Variants in ASTN2 observed in about 807,000 individuals in gnomAD.
The protein encoded by ASTN2 is astrotactin-2.
A neutral mutation model predicts 139.8 loss-of-function variants in ASTN2; 54 were observed. The ratio of observed to expected loss-of-function variants is 0.39; its 90% CI spans 0.31 to 0.48. The LOEUF is 0.48. Ranked by LOEUF, ASTN2 falls within the 20% of genes least tolerant of loss-of-function variation. ASTN2 has a pLI of 0.95. For synonymous variants in ASTN2, 756 were observed against 719.5 expected (o/e 1.05, Z -0.81); for missense variants, 1,565 against 1,725.1 (o/e 0.91, Z 1.64).
At chr9:116,846,194 G>C (rs1490577018) in intron 11 of ASTN2, among the ~76,000 whole-genome samples, 1 of 152,150 alleles carries the variant, frequency 6.6e-6, no homozygotes, top group African/African-American at 2.4e-5. Context: ...GGTTGCCAGG[G>C]GCTGGGGGAA....
At chr9:116,520,194 C>G (rs946903977) in intron 19 of ASTN2, among the ~76,000 whole-genome samples, 14 of 151,816 alleles carry the variant, frequency 9.2e-5, no homozygotes, top group African/African-American at 2.9e-4. Flanking sequence ...AAGCACATAA[C>G]CAAAAAAGAA....
chr9:116,913,816 G>A (rs887365614), intron 10 of ASTN2, among the ~76,000 whole-genome samples: 7 of 151,840 alleles, frequency 4.6e-5, no homozygotes, highest in African/African-American at 1.7e-4. Flanking sequence ...TGTGTGAGAA[G>A]GTGAGTGGAG....
At chr9:116,971,263 T>A (rs1490730525) in intron 10 of ASTN2, among the ~76,000 whole-genome samples, 1 of 152,218 alleles carries the variant, frequency 6.6e-6, no homozygotes, top group African/African-American at 2.4e-5. Context: ...CCTGCTAGGA[T>A]AGGCTGGAGA....
chr9:117,055,544 T>C (rs1450269476), intron 5 of ASTN2, among the ~76,000 whole-genome samples: 1 of 152,158 alleles, frequency 6.6e-6, no homozygotes, highest in Admixed American at 6.5e-5. Context: ...AATATCTACC[T>C]CCAGAATGGA....
intron 19 of ASTN2, among the ~76,000 whole-genome samples, chr9:116,531,264 G>A (rs914304515): frequency 6.6e-6 from 1 of 152,148 alleles, no homozygotes; most frequent in Non-Finnish European, 1.5e-5. Flanking sequence ...TCGTATTTAT[G>A]TCTTAAATGT....
At chr9:116,789,253 A>T (rs1830464802) in intron 13 of ASTN2, among the ~76,000 whole-genome samples, 1 of 152,132 alleles carries the variant, frequency 6.6e-6, no homozygotes, top group Non-Finnish European at 1.5e-5. Flanking sequence ...GTCACTGGGA[A>T]CTCAGTAAAG....
At chr9:117,350,066 T>C (rs893088574) in intron 1 of ASTN2, among the ~76,000 whole-genome samples, 1 of 152,194 alleles carries the variant, frequency 6.6e-6, no homozygotes, top group African/African-American at 2.4e-5. Flanking sequence ...ACATGTACCA[T>C]GATAATGTAA....
chr9:117,277,637 G>A (rs1834226133), intron 2 of ASTN2, among the ~76,000 whole-genome samples: 1 of 152,136 alleles, frequency 6.6e-6, no homozygotes, highest in South Asian at 2.1e-4. Context: ...GTAAACAGGA[G>A]AAAATAATAT....
chr9:116,848,987 C>A (rs1832516939), intron 11 of ASTN2, among the ~76,000 whole-genome samples: 1 of 152,150 alleles, frequency 6.6e-6, no homozygotes, highest in Admixed American at 6.5e-5. Context: ...CAATCCCTTC[C>A]TTGGGTTTCA....
At chr9:117,316,498 G>T (rs1387013400) in intron 1 of ASTN2, among the ~76,000 whole-genome samples, 1 of 152,084 alleles carries the variant, frequency 6.6e-6, no homozygotes, top group African/African-American at 2.4e-5. Flanking sequence ...CGATGGAAGG[G>T]GTCATGTGAC....
chr9:116,974,790 T>C (rs1322654931), intron 10 of ASTN2, among the ~76,000 whole-genome samples: 1 of 152,120 alleles, frequency 6.6e-6, no homozygotes, highest in Admixed American at 6.6e-5. Flanking sequence ...ATTACAGGCG[T>C]GAGCCACCAC....
At chr9:116,614,925 A>G (rs1444123136) in intron 19 of ASTN2, among the ~76,000 whole-genome samples, 1 of 152,258 alleles carries the variant, frequency 6.6e-6, no homozygotes, top group Non-Finnish European at 1.5e-5. Context: ...CTACCAGCAG[A>G]GTGAACAGGC....
chr9:117,002,102 C>A (rs982429549), intron 7 of ASTN2, among the ~76,000 whole-genome samples: 1 of 152,130 alleles, frequency 6.6e-6, no homozygotes, highest in Non-Finnish European at 1.5e-5. Context: ...TCCATTTATG[C>A]CTTGAGTGAC....
At chr9:117,328,440 C>A (rs1286683650) in intron 1 of ASTN2, among the ~76,000 whole-genome samples, 1 of 152,122 alleles carries the variant, frequency 6.6e-6, no homozygotes, top group Non-Finnish European at 1.5e-5. Flanking sequence ...ATCTGTAAAC[C>A]TCTTGAATCA....
intron 16 of ASTN2, among the ~76,000 whole-genome samples, chr9:116,682,264 C>T (rs1222028216): frequency 6.6e-6 from 1 of 152,178 alleles, no homozygotes; most frequent in East Asian, 1.9e-4. Flanking sequence ...AGCCAAAAAA[C>T]ACATGAAAAA....
At chr9:117,247,320 GT>G (rs1418322409) in intron 2 of ASTN2, among the ~76,000 whole-genome samples, 1 of 152,174 alleles carries the variant, frequency 6.6e-6, no homozygotes, top group Admixed American at 6.5e-5. Flanking sequence ...AATACCATTT[GT>G]CACCCAGGCT....
intron 13 of ASTN2, among the ~76,000 whole-genome samples, chr9:116,759,759 T>C (rs1323258233): frequency 6.6e-6 from 1 of 152,182 alleles, no homozygotes; most frequent in Non-Finnish European, 1.5e-5. Flanking sequence ...ATTTTCTCTC[T>C]GCTGCTGCCC....
At chr9:117,367,452 G>A (rs981049481) in intron 1 of ASTN2, among the ~76,000 whole-genome samples, 20 of 152,124 alleles carry the variant, frequency 1.3e-4, no homozygotes, top group South Asian at 2.1e-4. Flanking sequence ...CTTCAAATGC[G>A]TTTTCTGTAA....
intron 19 of ASTN2, among the ~76,000 whole-genome samples, chr9:116,564,947 C>T: frequency 6.6e-6 from 1 of 152,064 alleles, no homozygotes; most frequent in East Asian, 1.9e-4. Context: ...CACTTAACTC[C>T]TCTAAGCATC....
Sources: allele counts gnomAD v4.1 joint callset (sites outside exome capture counted in the v4.1 genomes callset), GRCh38; gene constraint gnomAD v4.1.1; transcripts MANE v1.5; gene names NCBI Gene and HGNC (gene_info 2026-07-23, HGNC 2026-07-21).